Variants in DNAAF1 observed in about 807,000 individuals in gnomAD.
DNAAF1 encodes dynein axonemal assembly factor 1.
A neutral mutation model predicts 71.1 loss-of-function variants in DNAAF1; 65 were observed. The observed-to-expected ratio is 0.91, with a 90% CI of 0.75 to 1.12. The LOEUF (loss-of-function observed/expected upper bound fraction) is 1.12. DNAAF1 is among the 50% of genes most tolerant of loss of function. The pLI is 0.00. For synonymous variants in DNAAF1, 414 were observed against 354.6 expected (o/e 1.17, Z -1.88); for missense variants, 1,178 against 899.8 (o/e 1.31, Z -3.96).
At chr16:84,174,088 G>T (rs773845032) in intron 9 of DNAAF1, 78 of 619,064 alleles carry the variant, frequency 1.3e-4, no homozygotes, top group Non-Finnish European at 1.5e-4. Flanking sequence ...AAACAGAGAG[G>T]TTAGGCAACT....
At chr16:84,160,806 G>A (rs142954301) in intron 6 of DNAAF1, among the ~76,000 whole-genome samples, 5,309 of 149,948 alleles carry the variant, frequency 0.035, 149 homozygotes, top group Non-Finnish European at 0.059. Context: ...GTGGTGGTGG[G>A]CGCCTGTAGT....
chr16:84,153,389 C>A (rs781580324), intron 3 of DNAAF1, among the ~76,000 whole-genome samples: 5 of 152,058 alleles, frequency 3.3e-5, no homozygotes, highest in Non-Finnish European at 7.4e-5. Context: ...AACCCATCAA[C>A]TTAAAATAAA....
At chr16:84,164,987 A>T (rs571616694) in intron 6 of DNAAF1, among the ~76,000 whole-genome samples, 15 of 152,086 alleles carry the variant, frequency 9.9e-5, no homozygotes, top group Admixed American at 8.5e-4. Context: ...TTATTGTTCT[A>T]ATTTGCATTT....
intron 8 of DNAAF1, among the ~76,000 whole-genome samples, chr16:84,171,863 T>G (rs2151271642): frequency 6.6e-6 from 1 of 150,884 alleles, no homozygotes; most frequent in South Asian, 2.1e-4. Flanking sequence ...CTTTGGGCCC[T>G]GAGGAGGGTT....
chr16:84,160,936 CAAA>C (rs994477404), intron 6 of DNAAF1, among the ~76,000 whole-genome samples: 8 of 67,476 alleles, frequency 1.2e-4, no homozygotes, highest in Admixed American at 1.7e-4. Context: ...GACTCCGTCT[CAAA>C]AAAAAAAAAA....
chr16:84,166,482 C>T (rs1024767608), intron 7 of DNAAF1, among the ~76,000 whole-genome samples: 2 of 151,156 alleles, frequency 1.3e-5, no homozygotes, highest in Admixed American at 6.6e-5. Context: ...GATCCTCTCA[C>T]CTCAGCTTCC....
intron 6 of DNAAF1, among the ~76,000 whole-genome samples, chr16:84,161,375 C>G (rs1207833500): frequency 6.6e-6 from 1 of 152,132 alleles, no homozygotes; most frequent in Non-Finnish European, 1.5e-5. Flanking sequence ...GCTCAGGAGT[C>G]AGATTAACCT....
chr16:84,170,073 C>T lies in DNAAF1; in HGVS notation c.1245C>T (p.Thr415=). ...ATGGAGGTCCAGAGCCAGAGGGGAC[C>T]CTCCCAGCTGAGACCCTGCTACTGT... The part of the protein sequence containing the change: ...REDGGPEPEG[T]LPAETLLLSS... Residue 415 remains threonine (T), a synonymous_variant, in exon 8 of 12, where the codon ACC becomes ACT. Transcript: ENST00000378553. 1.2e-6 allele frequency: 2 copies of T among 1,613,642 alleles called. No individual in the cohort carries two copies. Among genetic ancestry groups the T allele is most frequent in the Non-Finnish European group, 1.7e-6 (2 of 1,179,948 alleles).
In DNAAF1 at chr16:84,163,859, CTTTT is replaced by C. The variant is rs139966225; in HGVS notation, c.864-1913_864-1910del. On this transcript the variant is annotated intron_variant, in intron 6 of 11. Transcript: ENST00000378553. ...TGCTGATTTTTAAAAAATTAATAGACTTTTTTTTTTTTTTGTGGGGGACAGCGTT... is the reference window on the plus strand; with the variant it reads ...TGCTGATTTTTAAAAAATTAATAGACTTTTTTTTTTGTGGGGGACAGCGTT... 2.9e-3 allele frequency among the ~76,000 whole-genome samples: 415 copies of C among 144,552 alleles called. 5 individuals are homozygous for C. In the South Asian group the frequency reaches 0.029, roughly 10 times the overall value. The allele number at this position is 144,552 out of a possible 152,430, so 94.8% of individuals were successfully genotyped here. A position where few individuals can be genotyped will look rare whatever the true frequency, so the allele number is the denominator to read the frequency against.
At chr16:84,173,161 C>T in intron 9 of DNAAF1, 1 of 985,858 alleles carries the variant, frequency 1.0e-6, no homozygotes, top group African/African-American at 1.7e-5. Context: ...TTCACATGGC[C>T]CAGTAGGAGT....
intron 6 of DNAAF1, among the ~76,000 whole-genome samples, chr16:84,162,751 G>A (rs570754726): frequency 4.5e-4 from 69 of 152,134 alleles, no homozygotes; most frequent in Non-Finnish European, 5.9e-4. Flanking sequence ...CCCGGGAGGC[G>A]GAGGTTGTAG....
At chr16:84,166,584 G>A (rs912675514) in intron 7 of DNAAF1, among the ~76,000 whole-genome samples, 8 of 151,860 alleles carry the variant, frequency 5.3e-5, no homozygotes, top group South Asian at 2.1e-4. Context: ...TGTTGCCCAC[G>A]CTGGTCTCAA....
Position 84,172,307 on chromosome 16 carries a change from C to G in DNAAF1, c.1576C>G (p.Leu526Val). 6.2e-7 allele frequency: 1 copy of G among 1,614,210 alleles called. No individual in the cohort carries two copies. Residue 526 changes from leucine (L) to valine (V), a missense_variant, in exon 9 of 12, where the codon CTT becomes GTT. Coordinates refer to ENST00000378553, the MANE Select transcript of DNAAF1 (RefSeq NM_178452.6). The part of the protein sequence containing the change: ...VATEGVFVTE[L>V]DGTRTEDLET... ...CACTGAGGGTGTATTCGTTACAGAA[C>G]TTGATGGAACGAGAACGGAAGATTT...
intron 6 of DNAAF1, 53 bp downstream of exon 6, chr16:84,159,849 G>GT: frequency 1.3e-6 from 2 of 1,598,988 alleles, no homozygotes; most frequent in Non-Finnish European, 1.7e-6. Flanking sequence ...AGTTGACCAT[G>GT]CTTAATATTA....
chr16:84,150,481 G>A (rs1024347089), intron 3 of DNAAF1, 139 bp downstream of exon 3: 238 of 741,980 alleles, frequency 3.2e-4, no homozygotes, highest in Admixed American at 1.1e-3. Context: ...GGAGATTTAT[G>A]GAAAAGGAAT....
rs1033113310 is a variant in DNAAF1, at chr16:84,170,130, A to T, written c.1302A>T (p.Gly434=). ...CTGTGGAGGTTAAAGGAGAGGACGGAGATGGAGAGCCAGAGGGGACCCTCC... is the reference window on the plus strand; with the variant it reads ...CTGTGGAGGTTAAAGGAGAGGACGGTGATGGAGAGCCAGAGGGGACCCTCC... The part of the protein sequence containing the change: ...SSPVEVKGED[G]DGEPEGTLPA... Residue 434 remains glycine (G), a synonymous_variant, in exon 8 of 12, where the codon GGA becomes GGT. Transcript: ENST00000378553. 1.3e-6 allele frequency: 2 copies of T among 1,582,690 alleles called. No homozygotes were observed. Among genetic ancestry groups the T allele is most frequent in the Admixed American group, 1.7e-5 (1 of 58,668 alleles).
At chr16:84,160,331 A>G (rs1245141433) in intron 6 of DNAAF1, among the ~76,000 whole-genome samples, 1 of 152,102 alleles carries the variant, frequency 6.6e-6, no homozygotes, top group Non-Finnish European at 1.5e-5. Context: ...ACTTTTTCCA[A>G]GTTTCTTTTT....
chr16:84,149,056 C>A lies in DNAAF1; in HGVS notation c.174C>A (p.Tyr58Ter). Residue 58 changes from tyrosine (Y) to a stop codon, truncating the protein, a stop_gained, in exon 2 of 12, where the codon TAC (tyrosine) becomes TAA (stop). Coordinates refer to ENST00000378553, the MANE Select transcript of DNAAF1 (RefSeq NM_178452.6). LOFTEE classifies it high-confidence loss of function. Reference sequence around the variant, plus strand: ...GTGTGGGTTCTTCTGACACATCCTACCACAGCCAGCAGAAACAGAGTGGTG... The same window carrying A: ...GTGTGGGTTCTTCTGACACATCCTAACACAGCCAGCAGAAACAGAGTGGTG... ...EICVGSSDTS[Y>*]HSQQKQSGDN... 2 of 1,614,048 alleles carry A rather than the reference C, an allele frequency of 1.2e-6. No individual in the cohort carries two copies. Among genetic ancestry groups the A allele is most frequent in the Non-Finnish European group, 1.7e-6 (2 of 1,179,992 alleles).
rs1323066978 is a variant in DNAAF1 at position 84,172,406 on chromosome 16, T to C, written c.1644+31T>C. The C allele has an allele frequency of 5.0e-6, 8 of 1,610,854 alleles. No homozygotes were observed. The South Asian group carries it at 8.9e-5, about 18-fold the overall frequency. The stretch of plus-strand genomic sequence containing the variant: ...TGAAGTATTTAATCTTGGAGATAAG[T>C]ATCAGTTTTACTGTTAGTAAAATAG... On this transcript the variant is annotated intron_variant, in intron 9 of 11. Coordinates refer to ENST00000378553, the MANE Select transcript of DNAAF1 (RefSeq NM_178452.6).
Sources: gnomAD v4.1 joint callset for allele counts (sites outside exome capture counted in the v4.1 genomes callset) on GRCh38, gnomAD v4.1.1 for gene constraint, MANE v1.5 for transcripts, NCBI Gene and HGNC (gene_info 2026-07-23, HGNC 2026-07-21) for gene names.